The following NOTCH2NLC variants were observed in gnomAD, a reference collection of about 807,000 sequenced individuals.
The protein encoded by NOTCH2NLC is notch homolog 2 N-terminal-like protein C.
NOTCH2NLC carries 4 observed loss-of-function variants against 17.7 expected under a neutral mutation model. The observed-to-expected ratio is 0.23, with a 90% CI of 0.11 to 0.52. The LOEUF is 0.52. Among genes scored for constraint, NOTCH2NLC ranks in the 20% least tolerant of loss-of-function variants. NOTCH2NLC has a pLI of 0.96. For missense variants in NOTCH2NLC, 57 were observed against 207.2 expected (o/e 0.28, Z 4.45); for synonymous variants, 18 against 86.0 (o/e 0.21, Z 4.38).
chr1:149,457,662 C>A (rs1382627524), intron 3 of NOTCH2NLC, among the ~76,000 whole-genome samples: 2 of 149,522 alleles, frequency 1.3e-5, no homozygotes, highest in African/African-American at 4.9e-5. Flanking sequence ...AACCGAAGAA[C>A]TTGGGGTTCG....
Position 149,466,145 on chromosome 1 carries a change from G to A in NOTCH2NLC, c.*1992G>A, listed in dbSNP as rs1190527792. On this transcript the variant is annotated 3_prime_UTR_variant, in exon 5 of 5. Coordinates refer to ENST00000650865, the MANE Select transcript of NOTCH2NLC (RefSeq NM_001364013.2). ...ACTTTGTAGGTGTGTAAAACTTTTC[G>A]TTAAATGCTTTAAGCTGTTTGGGTT... 5 of 93,326 alleles carry A rather than the reference G, an allele frequency of 5.4e-5. No homozygotes were observed. Among genetic ancestry groups the A allele is most frequent in the East Asian group, 3.1e-4 (1 of 3,208 alleles). The allele number at this position is 93,326 out of a possible 1,614,324, so 5.8% of individuals were successfully genotyped here. A position where few individuals can be genotyped will look rare whatever the true frequency, so the allele number is the denominator to read the frequency against.
intron 1 of NOTCH2NLC, among the ~76,000 whole-genome samples, chr1:149,415,053 T>C (rs2084327574): frequency 9.1e-6 from 1 of 109,864 alleles, no homozygotes. Flanking sequence ...TTTGAAGTTA[T>C]TAAGCCTTCC....
intron 1 of NOTCH2NLC, among the ~76,000 whole-genome samples, chr1:149,402,644 G>A (rs1297930458): frequency 5.7e-5 from 1 of 17,600 alleles, no homozygotes; most frequent in African/African-American, 2.5e-4. Flanking sequence ...ATAAATCATG[G>A]TGTTTTATGT....
At chr1:149,395,944 T>C (rs2084205037) in intron 1 of NOTCH2NLC, among the ~76,000 whole-genome samples, 1 of 150,408 alleles carries the variant, frequency 6.6e-6, no homozygotes, top group African/African-American at 2.4e-5. Flanking sequence ...ATTTTGATCC[T>C]TGAGGGCCAG....
At chr1:149,433,412 A>G (rs1226780830) in intron 2 of NOTCH2NLC, among the ~76,000 whole-genome samples, 5 of 150,030 alleles carry the variant, frequency 3.3e-5, no homozygotes, top group Admixed American at 2.7e-4. Context: ...AAACCTGCAC[A>G]TTCTGCACAT....
At chr1:149,396,096 G>C (rs2084207200) in intron 1 of NOTCH2NLC, among the ~76,000 whole-genome samples, 1 of 150,012 alleles carries the variant, frequency 6.7e-6, no homozygotes, top group African/African-American at 2.5e-5. Context: ...TATAGGAGAG[G>C]CTGATGGTGA....
intron 2 of NOTCH2NLC, among the ~76,000 whole-genome samples, chr1:149,433,853 CAGG>C (rs1390529111): frequency 6.7e-6 from 1 of 150,294 alleles, no homozygotes; most frequent in Non-Finnish European, 1.5e-5. Context: ...GAGGCTGAGG[CAGG>C]AGAATGGCCT....
At chr1:149,427,514 T>TG (rs2084419868) in intron 1 of NOTCH2NLC, among the ~76,000 whole-genome samples, 3 of 114,928 alleles carry the variant, frequency 2.6e-5, no homozygotes, top group African/African-American at 1.0e-4. Flanking sequence ...TTTTTTTTTT[T>TG]TTGAGATGGA....
rs2084262905 is a variant in NOTCH2NLC, at chr1:149,405,422, TTAGTCCTTA to T, written c.135+14501_135+14509del. 3.4e-5 allele frequency among the ~76,000 whole-genome samples: 5 copies of T among 145,780 alleles called. No homozygotes were observed. The East Asian group carries it at 1.1e-3, about 32-fold the overall frequency. ...GGACAAAAGACTTTACTTGTTTCCTTTAGTCCTTAAAATAGATGTTAGGATTCTTGTTTA... is the reference window on the plus strand; with the variant it reads ...GGACAAAAGACTTTACTTGTTTCCTTAAATAGATGTTAGGATTCTTGTTTA... On this transcript the variant is annotated intron_variant, in intron 1 of 4. Coordinates refer to ENST00000650865, the MANE Select transcript of NOTCH2NLC (RefSeq NM_001364013.2).
rs1412601424 is a variant in NOTCH2NLC, at chr1:149,467,605, G to A, written c.*3452G>A. ...TGTAAAGTCTTTAGCAGAAGCTAAA[G>A]GAGGGGCACCAACCACAGTAATTTT... On this transcript the variant is annotated 3_prime_UTR_variant, in exon 5 of 5. Transcript: ENST00000650865. The A allele has an allele frequency of 1.1e-5, 1 of 92,846 alleles. No homozygotes were observed. The highest frequency in any genetic ancestry group is 2.1e-5 in the Non-Finnish European group (1 of 47,232). 5.8% of individuals were successfully genotyped at this position (92,846 alleles called of 1,614,324 possible). A position where few individuals can be genotyped will look rare whatever the true frequency, so the allele number is the denominator to read the frequency against.
chr1:149,390,621 C>G lies in NOTCH2NLC; in HGVS notation c.-167C>G, dbSNP rs1192260395. On this transcript the variant is annotated 5_prime_UTR_variant, in exon 1 of 5. Transcript: ENST00000650865. ...CGCTGCACACCCGAGAAAGTTTCAG[C>G]CAAACTTCGGGCGGCGGCTGAGGCG... 4.7e-6 allele frequency: 5 copies of G among 1,068,718 alleles called. No homozygotes were observed. In the African/African-American group the frequency reaches 8.5e-5, roughly 18 times the overall value. The allele number at this position is 1,068,718 out of a possible 1,614,324, so 66.2% of individuals were successfully genotyped here.
At chr1:149,419,936 G>A (rs1232942458) in intron 1 of NOTCH2NLC, among the ~76,000 whole-genome samples, 33 of 125,402 alleles carry the variant, frequency 2.6e-4, no homozygotes, top group African/African-American at 8.5e-4. Flanking sequence ...GCACAATCTC[G>A]GCTCATTGCA....
At chr1:149,435,896 G>A (rs1442698739) in intron 2 of NOTCH2NLC, among the ~76,000 whole-genome samples, 5 of 149,098 alleles carry the variant, frequency 3.4e-5, no homozygotes, top group African/African-American at 1.2e-4. Flanking sequence ...GTACCTTCAC[G>A]ATAAAAAAAA....
chr1:149,400,139 A>ATATATATATTT (rs1570899101), intron 1 of NOTCH2NLC, among the ~76,000 whole-genome samples: 1 of 131,978 alleles, frequency 7.6e-6, no homozygotes, highest in African/African-American at 2.8e-5. Flanking sequence ...TATAATATAT[A>ATATATATATTT]TTTTTTTTTT....
Position 149,390,802 on chromosome 1 carries a change from A to AGGCGGGGCGGCGGCGGCGGCGGC in NOTCH2NLC, c.20_21insGGCGGCGGCGGCGGCGGCGGCGG (p.Gly8AlafsTer55), listed in dbSNP as rs1273299437. The AGGCGGGGCGGCGGCGGCGGCGGC allele has an allele frequency of 4.5e-5, 43 of 951,656 alleles. 1 individual carries two copies. Among genetic ancestry groups the AGGCGGGGCGGCGGCGGCGGCGGC allele is most frequent in the Non-Finnish European group, 5.3e-5 (40 of 750,256 alleles). 59.0% of individuals were successfully genotyped at this position (951,656 alleles called of 1,614,324 possible). A position where few individuals can be genotyped will look rare whatever the true frequency, so the allele number is the denominator to read the frequency against. ...ACCCCCTCCCCATGTGGATCTGCCC[A>AGGCGGGGCGGCGGCGGCGGCGGC]GGCGGCGGCGGCGGCGGCGGCGGCG... On this transcript the variant is annotated frameshift_variant, in exon 1 of 5. Coordinates refer to ENST00000650865, the MANE Select transcript of NOTCH2NLC (RefSeq NM_001364013.2). LOFTEE classifies it high-confidence loss of function.
At chr1:149,460,797 G>A (rs1206423220) in intron 3 of NOTCH2NLC, among the ~76,000 whole-genome samples, 1 of 149,132 alleles carries the variant, frequency 6.7e-6, no homozygotes, top group African/African-American at 2.5e-5. Flanking sequence ...GCAAGTTAGT[G>A]CCTATACATA....
In NOTCH2NLC at chr1:149,390,778, C is replaced by A. The variant is rs1461112968; in HGVS notation, c.-10C>A. 13 of 1,183,620 alleles carry A rather than the reference C, an allele frequency of 1.1e-5. No homozygotes were observed. The highest frequency in any genetic ancestry group is 1.3e-5 in the Non-Finnish European group (12 of 939,374). 73.3% of individuals were successfully genotyped at this position (1,183,620 alleles called of 1,614,324 possible). Reference sequence around the variant, plus strand: ...AGAGAGTGGGGCTCCTCTATCGGGACCCCCTCCCCATGTGGATCTGCCCAG... The same window carrying A: ...AGAGAGTGGGGCTCCTCTATCGGGAACCCCTCCCCATGTGGATCTGCCCAG... On this transcript the variant is annotated 5_prime_UTR_variant, in exon 1 of 5. Transcript: ENST00000650865.
At chr1:149,423,813 G>GA (rs1468774124) in intron 1 of NOTCH2NLC, among the ~76,000 whole-genome samples, 1 of 146,896 alleles carries the variant, frequency 6.8e-6, no homozygotes, top group African/African-American at 2.5e-5. Context: ...AGAAGGATAT[G>GA]AAAAAAATCA....
chr1:149,412,941 G>C (rs1180082245), intron 1 of NOTCH2NLC, among the ~76,000 whole-genome samples: 1 of 96,274 alleles, frequency 1.0e-5, no homozygotes, highest in African/African-American at 4.1e-5. Flanking sequence ...GCCTCACTCT[G>C]TCACCCAGAC....
Sources: allele counts gnomAD v4.1 joint callset (sites outside exome capture counted in the v4.1 genomes callset), GRCh38; gene constraint gnomAD v4.1.1; transcripts MANE v1.5; gene names NCBI Gene and HGNC (gene_info 2026-07-23, HGNC 2026-07-21).